Variants in BRAF observed in about 807,000 individuals in gnomAD.
BRAF encodes the protein serine/threonine-protein kinase B-raf.
In BRAF, 16 loss-of-function variants were observed where a neutral mutation model predicts 104.6. The ratio of observed to expected loss-of-function variants is 0.15; its 90% CI spans 0.10 to 0.23. The LOEUF (loss-of-function observed/expected upper bound fraction) is 0.23, where lower values mean the gene tolerates loss of function less well. Among genes scored for constraint, BRAF ranks in the 10% least tolerant of loss-of-function variants. The pLI is 1.00. For missense variants in BRAF, 541 were observed against 937.3 expected (o/e 0.58, Z 5.52); for synonymous variants, 310 against 341.6 (o/e 0.91, Z 1.02).
At chr7:140,921,173 A>G (rs1818181506) in intron 1 of BRAF, among the ~76,000 whole-genome samples, 1 of 152,222 alleles carries the variant, frequency 6.6e-6, no homozygotes, top group Non-Finnish European at 1.5e-5. Flanking sequence ...CAGTTAATAA[A>G]TATCACTCTG....
At chr7:140,885,326 A>AT (rs995439072) in intron 1 of BRAF, among the ~76,000 whole-genome samples, 27 of 150,584 alleles carry the variant, frequency 1.8e-4, no homozygotes, top group Admixed American at 1.3e-3. Flanking sequence ...AAAAAAAAAA[A>AT]TTTTTTTTTT....
At chr7:140,740,178 T>C (rs575215225) in intron 17 of BRAF, 1 of 499,818 alleles carries the variant, frequency 2.0e-6, no homozygotes, top group South Asian at 2.2e-5. Context: ...GGTTCTCTAA[T>C]TGCTCCCCTG....
chr7:140,884,232 C>A (rs1226223808), intron 1 of BRAF: 1 of 151,400 alleles, frequency 6.6e-6, no homozygotes, highest in African/African-American at 2.4e-5. Context: ...TAGATTCAAC[C>A]AACACACTCG....
At chr7:140,808,775 T>C in intron 4 of BRAF, 117 bp downstream of exon 4, 1 of 822,868 alleles carries the variant, frequency 1.2e-6, no homozygotes, top group Non-Finnish European at 2.0e-6. Flanking sequence ...ATTTTAATAC[T>C]TTTTCCTAAA....
intron 3 of BRAF, chr7:140,822,406 G>A (rs1243560306): frequency 1.3e-5 from 2 of 152,156 alleles, no homozygotes; most frequent in Non-Finnish European, 1.5e-5. Context: ...ATCACTTTCT[G>A]AAAGGTTCCT....
In BRAF at chr7:140,851,599, T is replaced by A. The variant is rs539466946; in HGVS notation, c.139-1387A>T. On this transcript the variant is annotated intron_variant, in intron 1 of 19. Transcript: ENST00000644969. Reference sequence around the variant, plus strand: ...AGTTTTATTTTTTGGTATCTAGGTATAGGATTCCAGGATTGAAGGATATAC... The same window carrying A: ...AGTTTTATTTTTTGGTATCTAGGTAAAGGATTCCAGGATTGAAGGATATAC... 1.0e-3 allele frequency among the ~76,000 whole-genome samples: 157 copies of A among 152,300 alleles called. 4 individuals are homozygous for A. The highest frequency in any genetic ancestry group is 6.6e-3 in the South Asian group (32 of 4,826).
chr7:140,815,599 A>C (rs59183598), intron 3 of BRAF, among the ~76,000 whole-genome samples: 8,596 of 150,258 alleles, frequency 0.057, 290 homozygotes, highest in South Asian at 0.11. Context: ...AAGCCCGGCT[A>C]ATTTTTTTGT....
At chr7:140,846,142 G>T (rs545712691) in intron 2 of BRAF, among the ~76,000 whole-genome samples, 1 of 152,240 alleles carries the variant, frequency 6.6e-6, no homozygotes, top group East Asian at 1.9e-4. Flanking sequence ...ATGTGATCCT[G>T]CAATTCTACT....
intron 1 of BRAF, among the ~76,000 whole-genome samples, chr7:140,874,715 T>C (rs980170555): frequency 2.0e-5 from 3 of 152,002 alleles, no homozygotes; most frequent in East Asian, 3.9e-4. Context: ...GGGATTAAAA[T>C]AAAATGAACA....
At chr7:140,913,929 T>C (rs1817299670) in intron 1 of BRAF, among the ~76,000 whole-genome samples, 1 of 152,236 alleles carries the variant, frequency 6.6e-6, no homozygotes, top group Non-Finnish European at 1.5e-5. Context: ...CACTTCATGT[T>C]TCTTTAATTA....
At chr7:140,907,663 A>G (rs902973029) in intron 1 of BRAF, among the ~76,000 whole-genome samples, 1 of 151,976 alleles carries the variant, frequency 6.6e-6, no homozygotes, top group African/African-American at 2.4e-5. Flanking sequence ...CCTGGGCTCA[A>G]GCGGGTCCCA....
chr7:140,804,588 G>T (rs142334073), intron 5 of BRAF, among the ~76,000 whole-genome samples: 1 of 152,100 alleles, frequency 6.6e-6, no homozygotes, highest in Non-Finnish European at 1.5e-5. Context: ...CTCCCAAAGT[G>T]CTGGGATTAC....
At chr7:140,910,925 A>G (rs1430948903) in intron 1 of BRAF, among the ~76,000 whole-genome samples, 2 of 152,118 alleles carry the variant, frequency 1.3e-5, no homozygotes, top group Non-Finnish European at 2.9e-5. Flanking sequence ...TCAGCCTCCC[A>G]TATTGCTGGG....
At chr7:140,824,575 C>T (rs1805808757) in intron 3 of BRAF, among the ~76,000 whole-genome samples, 2 of 150,972 alleles carry the variant, frequency 1.3e-5, no homozygotes, top group African/African-American at 4.9e-5. Flanking sequence ...CAACTCTGTA[C>T]TTTTTTTGAC....
At chr7:140,821,768 G>GA (rs965890388) in intron 3 of BRAF, among the ~76,000 whole-genome samples, 7 of 151,946 alleles carry the variant, frequency 4.6e-5, no homozygotes, top group Admixed American at 2.0e-4. Flanking sequence ...ATCATTCTAC[G>GA]AAAAAACCAC....
intron 1 of BRAF, among the ~76,000 whole-genome samples, chr7:140,871,965 C>T (rs1811641035): frequency 1.3e-5 from 2 of 152,052 alleles, no homozygotes; most frequent in African/African-American, 4.8e-5. Flanking sequence ...GCCTGTAATC[C>T]TAGCACTTTG....
In BRAF at chr7:140,726,477, T is replaced by A; in HGVS notation, c.*17A>T. On this transcript the variant is annotated 3_prime_UTR_variant, in exon 20 of 20. Transcript: ENST00000644969. ...ACAAGACTTAAGAAATAAGAGCAGA[T>A]GCTGCCATGATGGTGGCTACTTGAA... 6.5e-7 allele frequency: 1 copy of A among 1,536,460 alleles called. No individual in the cohort carries two copies. The highest frequency in any genetic ancestry group is 1.2e-5 in the South Asian group (1 of 84,056).
intron 3 of BRAF, among the ~76,000 whole-genome samples, chr7:140,826,544 A>C (rs1222825187): frequency 3.3e-5 from 5 of 152,218 alleles, no homozygotes; most frequent in African/African-American, 1.2e-4. Flanking sequence ...AATAGTGGTT[A>C]TTTTTAGTGA....
At chr7:140,727,180 T>TTTC (rs34255150) in intron 19 of BRAF, among the ~76,000 whole-genome samples, 45,349 of 149,386 alleles carry the variant, frequency 0.3, 10,816 homozygotes, top group African/African-American at 0.67. Flanking sequence ...TGCCATTATT[T>TTTC]TTTTCTTTTT....
Sources: allele counts gnomAD v4.1 joint callset (sites outside exome capture counted in the v4.1 genomes callset), GRCh38; gene constraint gnomAD v4.1.1; transcripts MANE v1.5; gene names NCBI Gene and HGNC (gene_info 2026-07-23, HGNC 2026-07-21).